Variants in ZNF195 observed in about 807,000 individuals in gnomAD.
ZNF195 encodes hypoxia-regulated factor-1.
ZNF195 carries 11 observed loss-of-function variants against 19.5 expected under a neutral mutation model. The observed-to-expected ratio is 0.57, with a 90% CI of 0.36 to 0.94. ZNF195 has a LOEUF of 0.94. ZNF195 is among the 40% of genes least tolerant of loss of function. ZNF195 has a pLI of 0.01. For synonymous variants in ZNF195, 214 were observed against 248.1 expected (o/e 0.86, Z 1.29); for missense variants, 582 against 709.0 (o/e 0.82, Z 2.03).
intron 3 of ZNF195, among the ~76,000 whole-genome samples, chr11:3,363,015 C>CA (rs1418349211): frequency 6.6e-6 from 1 of 151,974 alleles, no homozygotes; most frequent in Non-Finnish European, 1.5e-5. Context: ...TCAGAGCTCA[C>CA]AAAAAACAAG....
At position 3,359,486 on chromosome 11, in the gene ZNF195, C is replaced by G. The variant is rs769336620; in HGVS notation, c.1522G>C (p.Asp508His). Residue 508 changes from aspartate (D) to histidine (H), a missense_variant, in exon 6 of 6, where the codon GAC becomes CAC. Around this residue, in one of 3 missense-constraint regions of ZNF195, gnomAD observed 407 missense variants for 530.5 expected, o/e 0.77. Transcript: ENST00000399602. The surrounding 1 kb of genome is among the most constrained non-coding windows in gnomAD (Gnocchi z 5.5). Reference protein sequence around the residue: ...ECGNIFKQLSDLTKHKKTHTG... With the variant: ...ECGNIFKQLSHLTKHKKTHTG... ...TGGGTTTTCTTATGCTTAGTGAGGT[C>G]TGATAACTGCTTAAAGATGTTGCCA... 2 of 1,614,140 alleles carry G rather than the reference C, an allele frequency of 1.2e-6. No homozygotes were observed. Among genetic ancestry groups the G allele is most frequent in the South Asian group, 1.1e-5 (1 of 91,074 alleles).
chr11:3,377,915 A>G, intron 1 of ZNF195: 1 of 986,664 alleles, frequency 1.0e-6, no homozygotes, highest in Non-Finnish European at 1.2e-6. Flanking sequence ...GGAAAATAAA[A>G]AGGAGGAGAG....
At chr11:3,361,655 C>T in intron 4 of ZNF195, 88 bp downstream of exon 4, 1 of 1,106,232 alleles carries the variant, frequency 9.0e-7, no homozygotes, top group Non-Finnish European at 1.2e-6. Flanking sequence ...ACATAAGACA[C>T]ATTATAACCA....
chr11:3,379,120 G>A lies in ZNF195; in HGVS notation c.-80C>T. 1 of 1,414,714 alleles carries A rather than the reference G, an allele frequency of 7.1e-7. No homozygotes were observed. 87.6% of individuals were successfully genotyped at this position (1,414,714 alleles called of 1,614,324 possible). ...GGTCACACGACCTACGGCTAGCAGG[G>A]GACACAGAGCCGCGGGGACAGGAAG... On this transcript the variant is annotated 5_prime_UTR_variant, in exon 1 of 6. Coordinates refer to ENST00000399602, the MANE Select transcript of ZNF195 (RefSeq NM_001130520.3).
Position 3,360,461 on chromosome 11 carries a change from A to T in ZNF195, c.547T>A (p.Leu183Ile). 1.2e-6 allele frequency: 2 copies of T among 1,612,006 alleles called. No individual in the cohort carries two copies. The highest frequency in any genetic ancestry group is 1.7e-6 in the Non-Finnish European group (2 of 1,179,816). ...RGYGNCGLDN[L>I]YLRKDWESLD... is the part of the protein sequence containing the mutation. ...CTTTCCCAGTCTTTCCTTAAATATA[A>T]ATTATCAAGGCCACAATTTCCATAT... The change falls in exon 6 of 6, where the codon TTA becomes ATA. Residue 183 changes from leucine (L) to isoleucine (I), a missense_variant. Around this residue, in one of 3 missense-constraint regions of ZNF195, gnomAD observed 407 missense variants for 530.5 expected, o/e 0.77. Coordinates refer to ENST00000399602, the MANE Select transcript of ZNF195 (RefSeq NM_001130520.3).
intron 1 of ZNF195, among the ~76,000 whole-genome samples, chr11:3,376,274 G>A (rs1473911273): frequency 1.3e-5 from 2 of 151,746 alleles, no homozygotes; most frequent in African/African-American, 2.4e-5. Flanking sequence ...AGGGGTGTCC[G>A]ATCTTGGCTT....
Position 3,370,963 on chromosome 11 carries a change from A to C in ZNF195, c.226+12T>G, listed in dbSNP as rs200059326. ...CTCACCTGGGTTACCTGCTTCGTTC[A>C]TTCCCACCCACCTGGATGTCCGTCT... On this transcript the variant is annotated intron_variant, in intron 3 of 5. Coordinates refer to ENST00000399602, the MANE Select transcript of ZNF195 (RefSeq NM_001130520.3). 22 of 1,613,700 alleles carry C rather than the reference A, an allele frequency of 1.4e-5. No homozygotes were observed. The East Asian group carries it at 4.9e-4, about 36-fold the overall frequency.
intron 1 of ZNF195, among the ~76,000 whole-genome samples, chr11:3,373,961 A>C (rs995757223): frequency 2.0e-5 from 3 of 152,214 alleles, no homozygotes; most frequent in Non-Finnish European, 4.4e-5. Context: ...TTTGGAACCA[A>C]GGCTGAGCTC....
chr11:3,377,891 G>GTGTC, intron 1 of ZNF195: 4 of 987,712 alleles, frequency 4.0e-6, no homozygotes, highest in Non-Finnish European at 4.8e-6. Context: ...TTCTGGTAAG[G>GTGTC]TGTCTGTGCC....
intron 3 of ZNF195, among the ~76,000 whole-genome samples, chr11:3,367,596 T>A (rs1463787780): frequency 6.6e-6 from 1 of 152,122 alleles, no homozygotes; most frequent in Non-Finnish European, 1.5e-5. Flanking sequence ...GCTATTCTTA[T>A]GCAAATTTAA....
intron 3 of ZNF195, chr11:3,362,627 T>TA (rs1247605176): frequency 1.8e-6 from 1 of 555,116 alleles, no homozygotes; most frequent in African/African-American, 1.9e-5. Flanking sequence ...AAAGAAAATT[T>TA]AAAAAGAGTC....
Position 3,359,843 on chromosome 11 carries a change from T to C in ZNF195, c.1165A>G (p.Lys389Glu). Residue 389 changes from lysine (K) to glutamate (E), a missense_variant, in exon 6 of 6, where the codon AAA (lysine) becomes GAA (glutamate). Transcript: ENST00000399602. The surrounding 1 kb of genome is among the most constrained non-coding windows in gnomAD (Gnocchi z 5.5). Reference protein sequence around the residue: ...EKLSKCETWYKGFNHSPNPSK... With the variant: ...EKLSKCETWYEGFNHSPNPSK... ...GGATTTGGGCTGTGGTTAAAACCTT[T>C]GTACCATGTTTCACATTTGGAGAGC... The C allele has an allele frequency of 6.2e-7, 1 of 1,614,136 alleles. No individual in the cohort carries two copies. The highest frequency in any genetic ancestry group is 1.1e-5 in the South Asian group (1 of 91,082).
rs757018395 is a variant in ZNF195 at position 3,371,561 on chromosome 11, T to C, written c.130+16A>G. The C allele has an allele frequency of 2.5e-6, 4 of 1,614,058 alleles. No homozygotes were observed. In the Admixed American group the frequency reaches 5.0e-5, roughly 20 times the overall value. On this transcript the variant is annotated intron_variant, in intron 2 of 5. Transcript: ENST00000399602. ...TTTAGGGCATAGGAGGAACTACGTA[T>C]TGAAGTTATCCTCACCAACGGAGAA...
At chr11:3,377,767 G>A (rs375621867) in intron 1 of ZNF195, 3 of 1,029,472 alleles carry the variant, frequency 2.9e-6, no homozygotes, top group African/African-American at 3.4e-5. Context: ...CATGGCCATG[G>A]TGGGCATCCT....
In ZNF195 at chr11:3,363,907, A is replaced by G. The variant is rs1036008471; in HGVS notation, c.227-2018T>C. Among the ~76,000 whole-genome samples, 9 of 152,378 alleles carry G rather than the reference A, an allele frequency of 5.9e-5. No homozygotes were observed. The East Asian group carries it at 1.7e-3, about 29-fold the overall frequency. On this transcript the variant is annotated intron_variant, in intron 3 of 5. Transcript: ENST00000399602. Reference sequence around the variant, plus strand: ...ACAAATATAATAGCTAAAGTATGGGATTTATTGAACACTATGATCTAAACT... The same window carrying G: ...ACAAATATAATAGCTAAAGTATGGGGTTTATTGAACACTATGATCTAAACT...
Position 3,371,002 on chromosome 11 carries a change from T to G in ZNF195, c.199A>C (p.Arg67=). The change falls in exon 3 of 6, where the codon AGA becomes CGA. Residue 67 remains arginine, a synonymous_variant. Transcript: ENST00000399602. ...GGATGTCCGTCTGCTGCCTCCTGTC[T>G]CTTCACATTCCAGGGCTCTTTTCGT... ...EQRKEPWNVK[R]QEAADGHPEM... is the part of the protein sequence containing the mutation. The G allele has an allele frequency of 6.2e-7, 1 of 1,614,146 alleles. No homozygotes were observed. Among genetic ancestry groups the G allele is most frequent in the Admixed American group, 1.7e-5 (1 of 60,032 alleles).
chr11:3,365,565 A>T (rs949225060), intron 3 of ZNF195, among the ~76,000 whole-genome samples: 1 of 152,258 alleles, frequency 6.6e-6, no homozygotes, highest in Non-Finnish European at 1.5e-5. Flanking sequence ...AATACTGCCC[A>T]CACTAATGTA....
intron 1 of ZNF195, among the ~76,000 whole-genome samples, chr11:3,378,421 T>C (rs886337617): frequency 8.6e-5 from 13 of 152,014 alleles, no homozygotes; most frequent in Non-Finnish European, 1.5e-4. Context: ...CAAATGACTA[T>C]CTTGCAGAAA....
Position 3,359,996 on chromosome 11 carries a change from G to A in ZNF195, c.1012C>T (p.Gln338Ter), listed in dbSNP as rs1191282568. The change falls in exon 6 of 6, where the codon CAG becomes TAG. Residue 338 changes from glutamine to a stop codon, truncating the protein, a stop_gained. Transcript: ENST00000399602. LOFTEE classifies it low-confidence loss of function (END_TRUNC). The surrounding 1 kb of genome is among the most constrained non-coding windows in gnomAD (Gnocchi z 5.5). ...TCATGTTCAGTAAGGTGGGAGCACT[G>A]GTTAAATACTTTGCCAAATTCTTCA... ...RCEEFGKVFN[Q>*]CSHLTEHEHG... 1.2e-6 allele frequency: 2 copies of A among 1,614,026 alleles called. No homozygotes were observed. Among genetic ancestry groups the A allele is most frequent in the Non-Finnish European group, 1.7e-6 (2 of 1,180,038 alleles).
Sources: gnomAD v4.1 joint callset for allele counts (sites outside exome capture counted in the v4.1 genomes callset) on GRCh38, gnomAD v4.1.1 for gene constraint, gnomAD v4.1.1 regional missense constraint, Gnocchi (gnomAD v3.1) non-coding constraint, MANE v1.5 for transcripts, NCBI Gene and HGNC (gene_info 2026-07-23, HGNC 2026-07-21) for gene names.